FLRT2: variants seen among roughly 807,000 people sequenced by gnomAD.
The protein encoded by FLRT2 is fibronectin leucine rich transmembrane protein 2.
FLRT2 carries 15 observed loss-of-function variants against 40.0 expected under a neutral mutation model. That is an observed-to-expected ratio of 0.38 (90% CI 0.25 to 0.58). The LOEUF is 0.58. Ranked by LOEUF, FLRT2 falls within the 20% of genes least tolerant of loss-of-function variation. The probability of loss-of-function intolerance (pLI) is 0.71; values close to 1 mark genes in which losing one functional copy is unlikely to be tolerated. For missense variants in FLRT2, 726 were observed against 840.0 expected, an observed-to-expected ratio of 0.86 and a Z score of 1.68; for synonymous variants, 380 against 336.8, an observed-to-expected ratio of 1.13 and a Z score of -1.41.
rs1893367341 is a variant in FLRT2, at chr14:85,621,308, A to G, written c.-207A>G. ...ATTCTCCCTGTTGAATTTTTTGCAC[A>G]TGGAGGACAGCAGCAAAGAGGGCAA... is the stretch of plus-strand genomic sequence containing the variant. On this transcript the variant is annotated 5_prime_UTR_variant, in exon 2 of 2. An upstream start codon of the reference 5' UTR is lost. Transcript: ENST00000330753. The G allele has an allele frequency of 3.6e-6, 2 of 550,638 alleles. No homozygotes were observed. The highest frequency in any genetic ancestry group is 5.9e-5 in the East Asian group (2 of 33,980). The allele number at this position is 550,638 out of a possible 1,614,324, so 34.1% of individuals were successfully genotyped here. A position where few individuals can be genotyped will look rare whatever the true frequency, so the allele number is the denominator to read the frequency against.
At position 85,622,864 on chromosome 14, in the gene FLRT2, C is replaced by A; in HGVS notation, c.1350C>A (p.Tyr450Ter). The change falls in exon 2 of 2, where the codon TAC (tyrosine) becomes TAA (stop). Residue 450 changes from tyrosine (Y) to a stop codon, truncating the protein, a stop_gained. Coordinates refer to ENST00000330753, the MANE Select transcript of FLRT2 (RefSeq NM_013231.6). LOFTEE classifies it high-confidence loss of function. ...TCTCTCTCTTCACCGTGATGGCATA[C>A]AAACTCACATGGGTGAAAATGGGCC... ...SWLSLFTVMA[Y>*]KLTWVKMGHS... The A allele has an allele frequency of 6.2e-7, 1 of 1,614,192 alleles. No homozygotes were observed. The highest frequency in any genetic ancestry group is 2.2e-5 in the East Asian group (1 of 44,864).
chr14:85,594,529 A>G (rs1393850658), intron 1 of FLRT2, among the ~76,000 whole-genome samples: 1 of 152,152 alleles, frequency 6.6e-6, no homozygotes, highest in Non-Finnish European at 1.5e-5. Flanking sequence ...CAAACTCTAA[A>G]TCTCTCTTAC....
intron 1 of FLRT2, among the ~76,000 whole-genome samples, chr14:85,599,969 G>T (rs1892309993): frequency 2.0e-5 from 3 of 152,170 alleles, no homozygotes; most frequent in Admixed American, 6.5e-5. Flanking sequence ...AGTATATGAT[G>T]GGCACAATGA....
chr14:85,547,221 T>C (rs1889325813), intron 1 of FLRT2, among the ~76,000 whole-genome samples: 1 of 152,196 alleles, frequency 6.6e-6, no homozygotes, highest in Admixed American at 6.5e-5. Context: ...AAGTTATTCT[T>C]CCCTTCTGAC....
chr14:85,562,620 C>CTTTTTTTTTTTTTTTTTTTT lies in FLRT2; in HGVS notation c.-377+32100_-377+32101insTTTTTTTTTTTTTTTTTTTT, dbSNP rs3830857. 119 of 115,400 alleles carry CTTTTTTTTTTTTTTTTTTTT rather than the reference C, an allele frequency of 1.0e-3. 13 individuals carry two copies. The highest frequency in any genetic ancestry group is 1.4e-3 in the Non-Finnish European group (80 of 57,980). The allele number at this position is 115,400 out of a possible 1,614,324, so 7.1% of individuals were successfully genotyped here. A position where few individuals can be genotyped will look rare whatever the true frequency, so the allele number is the denominator to read the frequency against. Reference sequence around the variant, plus strand: ...CCTCCTAACCCACCTTTCTTTCTTTCTTTTTTTTTTTTTTGAATCTAGACT... The same window carrying CTTTTTTTTTTTTTTTTTTTT: ...CCTCCTAACCCACCTTTCTTTCTTTCTTTTTTTTTTTTTTTTTTTTTTTTTTTTTTTTTTGAATCTAGACT... On this transcript the variant is annotated intron_variant, in intron 1 of 1. Coordinates refer to ENST00000330753, the MANE Select transcript of FLRT2 (RefSeq NM_013231.6).
intron 1 of FLRT2, among the ~76,000 whole-genome samples, chr14:85,544,293 A>T (rs1889149754): frequency 1.3e-5 from 2 of 152,220 alleles, no homozygotes; most frequent in African/African-American, 4.8e-5. Context: ...TGTTTAAAGA[A>T]TAATAATTTC....
rs1180038676 is a variant in FLRT2, at chr14:85,592,005, C to T, written c.-376-29134C>T. On this transcript the variant is annotated intron_variant, in intron 1 of 1. Coordinates refer to ENST00000330753, the MANE Select transcript of FLRT2 (RefSeq NM_013231.6). ...ACATAAACAGTCAAGAAATGAATAACTCCATGAAGTTGAAATTAACAAAGT... is the reference window on the plus strand; with the variant it reads ...ACATAAACAGTCAAGAAATGAATAATTCCATGAAGTTGAAATTAACAAAGT... Among the ~76,000 whole-genome samples, 3 of 152,058 alleles carry T rather than the reference C, an allele frequency of 2.0e-5. No individual in the cohort carries two copies. The East Asian group carries it at 5.8e-4, about 29-fold the overall frequency.
At position 85,642,390 on chromosome 14, in the gene FLRT2, G is replaced by A. The variant is rs971435245; in HGVS notation, c.*18893G>A. 11 of 152,084 alleles carry A rather than the reference G, an allele frequency of 7.2e-5. No homozygotes were observed. Among genetic ancestry groups the A allele is most frequent in the Admixed American group, 5.2e-4 (8 of 15,256 alleles). 9.4% of individuals were successfully genotyped at this position (152,084 alleles called of 1,614,324 possible). A position where few individuals can be genotyped will look rare whatever the true frequency, so the allele number is the denominator to read the frequency against. ...AACTCCTTCATCTCTGTTATATAAG[G>A]TTGATTCTGCCTTTGTGGGGAGAAC... On this transcript the variant is annotated 3_prime_UTR_variant, in exon 2 of 2. Transcript: ENST00000330753.
chr14:85,553,697 G>A (rs1889783153), intron 1 of FLRT2, among the ~76,000 whole-genome samples: 1 of 152,082 alleles, frequency 6.6e-6, no homozygotes, highest in South Asian at 2.1e-4. Flanking sequence ...GGACGGAAAG[G>A]AAAAATTGAG....
At chr14:85,578,909 T>A (rs796944223) in intron 1 of FLRT2, among the ~76,000 whole-genome samples, 46 of 152,326 alleles carry the variant, frequency 3.0e-4, no homozygotes, top group African/African-American at 1.1e-3. Context: ...AGGCTGGAGA[T>A]GTCTTGCAAA....
chr14:85,596,254 T>C (rs924447099), intron 1 of FLRT2, among the ~76,000 whole-genome samples: 8 of 152,196 alleles, frequency 5.3e-5, no homozygotes, highest in African/African-American at 4.8e-5. Context: ...GAGACTGACA[T>C]AGAAACTGTC....
intron 1 of FLRT2, among the ~76,000 whole-genome samples, chr14:85,587,134 C>A (rs950763537): frequency 6.6e-6 from 1 of 152,064 alleles, no homozygotes; most frequent in Non-Finnish European, 1.5e-5. Context: ...AACGAGGAAG[C>A]TTTGTTGTAC....
rs1356643491 is a variant in FLRT2, at chr14:85,635,755, A to G, written c.*12258A>G. 6 of 152,144 alleles carry G rather than the reference A, an allele frequency of 3.9e-5. No individual in the cohort carries two copies. Among genetic ancestry groups the G allele is most frequent in the Non-Finnish European group, 8.8e-5 (6 of 67,986 alleles). 9.4% of individuals were successfully genotyped at this position (152,144 alleles called of 1,614,324 possible). A position where few individuals can be genotyped will look rare whatever the true frequency, so the allele number is the denominator to read the frequency against. On this transcript the variant is annotated 3_prime_UTR_variant, in exon 2 of 2. Transcript: ENST00000330753. ...ATGAAAACTTTTTAGAATAATTAGG[A>G]AATTCTTCTTTCCCAGACCTTCAAT... is the stretch of plus-strand genomic sequence containing the variant.
chr14:85,532,161 A>G (rs1594975964), intron 1 of FLRT2, among the ~76,000 whole-genome samples: 1 of 152,164 alleles, frequency 6.6e-6, no homozygotes, highest in Non-Finnish European at 1.5e-5. Flanking sequence ...CCACTGCCCC[A>G]CTTAAACTCT....
intron 1 of FLRT2, chr14:85,551,872 A>C (rs1443002287): frequency 6.6e-6 from 1 of 152,096 alleles, no homozygotes. Context: ...TTTCACTTCT[A>C]TATCTCCTGT....
At chr14:85,570,473 G>C (rs1376901084) in intron 1 of FLRT2, among the ~76,000 whole-genome samples, 1 of 151,976 alleles carries the variant, frequency 6.6e-6, no homozygotes, top group Non-Finnish European at 1.5e-5. Flanking sequence ...AGTTTGTACA[G>C]TTAATGAAAG....
At chr14:85,606,063 C>T (rs2753620) in intron 1 of FLRT2, among the ~76,000 whole-genome samples, 125,425 of 152,138 alleles carry the variant, frequency 0.82, 51,737 homozygotes, top group East Asian at 0.88. Flanking sequence ...TAAGTTTTCA[C>T]ACCATGAGTA....
chr14:85,614,304 GT>G (rs1566757245), intron 1 of FLRT2, among the ~76,000 whole-genome samples: 1 of 151,826 alleles, frequency 6.6e-6, no homozygotes, highest in Admixed American at 6.6e-5. Context: ...GGTCCTCTTA[GT>G]TACTTTATAT....
At chr14:85,574,917 G>C (rs990110683) in intron 1 of FLRT2, among the ~76,000 whole-genome samples, 1 of 152,210 alleles carries the variant, frequency 6.6e-6, no homozygotes, top group East Asian at 1.9e-4. Context: ...AATTTACCCA[G>C]GACATACCAA....
Sources: allele counts gnomAD v4.1 joint callset (sites outside exome capture counted in the v4.1 genomes callset), GRCh38; gene constraint gnomAD v4.1.1; transcripts MANE v1.5; gene names NCBI Gene and HGNC (gene_info 2026-07-23, HGNC 2026-07-21).